Variants in ERCC6L2 observed in about 807,000 individuals in gnomAD.
ERCC6L2 encodes the protein ERCC excision repair 6 like 2.
Under a neutral mutation model 132.0 loss-of-function variants are expected in ERCC6L2, and 77 were observed. The ratio of observed to expected loss-of-function variants is 0.58; its 90% CI spans 0.49 to 0.71. The LOEUF is 0.71. Ranked by LOEUF, ERCC6L2 falls within the 30% of genes least tolerant of loss-of-function variation. The pLI is 0.00. For missense variants in ERCC6L2, 1,542 were observed against 1,837.6 expected, an observed-to-expected ratio of 0.84 and a Z score of 2.94; for synonymous variants, 583 against 632.4, an observed-to-expected ratio of 0.92 and a Z score of 1.17.
rs965900399 is a variant in ERCC6L2, at chr9:95,972,117, C to A, written c.2366C>A (p.Thr789Asn). 5 of 1,304,142 alleles carry A rather than the reference C, an allele frequency of 3.8e-6. No individual in the cohort carries two copies. In the African/African-American group the frequency reaches 7.6e-5, roughly 20 times the overall value. 80.8% of individuals were successfully genotyped at this position (1,304,142 alleles called of 1,614,324 possible). ...SKASSSPGQLTLLQCGFSKLL... is the reference protein window; with the variant it reads ...SKASSSPGQLNLLQCGFSKLL... ...GCTTCCAGCTCTCCAGGACAGCTTA[C>A]CTTACTCCAGTGTGGTTTCTCGAAA... The change falls in exon 16 of 19, where the codon ACC (threonine) becomes AAC (asparagine). Residue 789 changes from threonine (T) to asparagine (N), a missense_variant. This residue lies in a region of ERCC6L2 where 945 missense variants were observed against 1,105.2 expected (regional missense o/e 0.86). Coordinates refer to ENST00000653738, the MANE Select transcript of ERCC6L2 (RefSeq NM_020207.7).
In ERCC6L2 at chr9:95,924,892, A is replaced by G. The variant is rs547821196; in HGVS notation, c.1533+1513A>G. Among the ~76,000 whole-genome samples, 11 of 152,286 alleles carry G rather than the reference A, an allele frequency of 7.2e-5. No individual in the cohort carries two copies. The South Asian group carries it at 1.9e-3, about 26-fold the overall frequency. On this transcript the variant is annotated intron_variant, in intron 9 of 18. Transcript: ENST00000653738. ...CTTGGTTTGTGAGAGAGCACCAGCCAAACAGATGGATAGTAATAAGCTAGG... is the reference window on the plus strand; with the variant it reads ...CTTGGTTTGTGAGAGAGCACCAGCCGAACAGATGGATAGTAATAAGCTAGG...
At chr9:95,893,115 C>G (rs1015894357) in intron 2 of ERCC6L2, among the ~76,000 whole-genome samples, 3 of 152,114 alleles carry the variant, frequency 2.0e-5, no homozygotes, top group African/African-American at 7.2e-5. Flanking sequence ...CAACTTCTTG[C>G]AATGTACCTA....
chr9:95,981,705 T>C (rs1439922638), intron 17 of ERCC6L2, among the ~76,000 whole-genome samples: 1 of 152,186 alleles, frequency 6.6e-6, no homozygotes, highest in African/African-American at 2.4e-5. Context: ...TTAGAGTTCA[T>C]CTGTTCTTTT....
Position 95,972,166 on chromosome 9 carries a change from A to G in ERCC6L2, c.2415A>G (p.Ala805=). 1 of 1,304,262 alleles carries G rather than the reference A, an allele frequency of 7.7e-7. No homozygotes were observed. Among genetic ancestry groups the G allele is most frequent in the Non-Finnish European group, 1.0e-6 (1 of 988,950 alleles). The allele number at this position is 1,304,262 out of a possible 1,614,324, so 80.8% of individuals were successfully genotyped here. A position where few individuals can be genotyped will look rare whatever the true frequency, so the allele number is the denominator to read the frequency against. The part of the protein sequence containing the change: ...FSKLLETKCK[A]VEDSDGNTAS... ...AATTGCTTGAAACAAAATGTAAAGC[A>G]GTTGAGGATAGTGATGGAAATACTG... Residue 805 remains alanine, a synonymous_variant, in exon 16 of 19, where the codon GCA becomes GCG. Transcript: ENST00000653738.
At chr9:96,005,915 T>C (rs1013374973) in intron 18 of ERCC6L2, among the ~76,000 whole-genome samples, 54 of 152,188 alleles carry the variant, frequency 3.5e-4, no homozygotes, top group African/African-American at 1.3e-3. Flanking sequence ...TTCAATTTGG[T>C]GATGGACTGG....
In ERCC6L2 at chr9:95,972,174, A is replaced by G. The variant is rs1404346324; in HGVS notation, c.2423A>G (p.Asp808Gly). 7.7e-7 allele frequency: 1 copy of G among 1,304,166 alleles called. No individual in the cohort carries two copies. Among genetic ancestry groups the G allele is most frequent in the Non-Finnish European group, 1.0e-6 (1 of 988,952 alleles). 80.8% of individuals were successfully genotyped at this position (1,304,166 alleles called of 1,614,324 possible). Reference protein sequence around the residue: ...LLETKCKAVEDSDGNTASDDE... With the variant: ...LLETKCKAVEGSDGNTASDDE... ...GAAACAAAATGTAAAGCAGTTGAGG[A>G]TAGTGATGGAAATACTGCCTCTGAT... The change falls in exon 16 of 19, where the codon GAT (aspartate) becomes GGT (glycine). Residue 808 changes from aspartate (D) to glycine (G), a missense_variant. By Grantham distance (94) the Asp-to-Gly change is moderately conservative. This residue lies in a region of ERCC6L2 where 945 missense variants were observed against 1,105.2 expected (regional missense o/e 0.86). Coordinates refer to ENST00000653738, the MANE Select transcript of ERCC6L2 (RefSeq NM_020207.7).
At chr9:95,899,374 C>T (rs1465641669) in intron 3 of ERCC6L2, among the ~76,000 whole-genome samples, 1 of 151,908 alleles carries the variant, frequency 6.6e-6, no homozygotes, top group Non-Finnish European at 1.5e-5. Flanking sequence ...TCACTTGAGC[C>T]TGGGGAGGTT....
Position 95,926,528 on chromosome 9 carries a change from A to T in ERCC6L2, c.1534-1551A>T, listed in dbSNP as rs995453166. 3.2e-4 allele frequency among the ~76,000 whole-genome samples: 49 copies of T among 152,316 alleles called. 1 individual carries two copies. The South Asian group carries it at 6.2e-3, about 19-fold the overall frequency. ...TTGCTGAGTGAAGGAAACCAGTCTG[A>T]AAAGGCTACATACTGTATAATTCCA... is the stretch of plus-strand genomic sequence containing the variant. On this transcript the variant is annotated intron_variant, in intron 9 of 18. Coordinates refer to ENST00000653738, the MANE Select transcript of ERCC6L2 (RefSeq NM_020207.7).
chr9:95,962,819 T>C (rs1289487562), intron 13 of ERCC6L2, among the ~76,000 whole-genome samples: 2 of 152,158 alleles, frequency 1.3e-5, no homozygotes, highest in Admixed American at 6.6e-5. Context: ...TTAGACCTAA[T>C]GGTGTTTTCA....
chr9:95,941,622 T>G (rs954741026), intron 12 of ERCC6L2, 73 bp downstream of exon 12: 1 of 1,102,778 alleles, frequency 9.1e-7, no homozygotes, highest in African/African-American at 1.6e-5. Flanking sequence ...CTTTTAAGGT[T>G]GCTTATACTA....
rs114682462 is a variant in ERCC6L2, at chr9:95,917,351, G to A, written c.1158+917G>A. ...TTGTGTTTCTTCTAGCTTGGGCAAT[G>A]GAATAAAGGTTCTGTAGATTACTAT... On this transcript the variant is annotated intron_variant, in intron 6 of 18. Coordinates refer to ENST00000653738, the MANE Select transcript of ERCC6L2 (RefSeq NM_020207.7). Among the ~76,000 whole-genome samples, 129 of 152,214 alleles carry A rather than the reference G, an allele frequency of 8.5e-4. 1 individual carries two copies. Among genetic ancestry groups the A allele is most frequent in the African/African-American group, 2.8e-3 (118 of 41,542 alleles).
chr9:95,987,089 A>G (rs992206950), intron 17 of ERCC6L2, among the ~76,000 whole-genome samples: 14 of 152,112 alleles, frequency 9.2e-5, no homozygotes, highest in African/African-American at 3.4e-4. Flanking sequence ...TGATTCAATT[A>G]TCTCCCATCG....
At chr9:95,995,957 A>G (rs1419143098) in intron 17 of ERCC6L2, among the ~76,000 whole-genome samples, 1 of 152,212 alleles carries the variant, frequency 6.6e-6, no homozygotes, top group East Asian at 1.9e-4. Context: ...TAATCCTACA[A>G]TGGCCTTTAA....
intron 6 of ERCC6L2, among the ~76,000 whole-genome samples, chr9:95,920,613 T>G (rs1213671761): frequency 6.6e-6 from 1 of 152,180 alleles, no homozygotes; most frequent in Non-Finnish European, 1.5e-5. Context: ...ATCATTTGTT[T>G]GTTCATATTA....
In ERCC6L2 at chr9:95,973,002, C is replaced by A. The variant is rs1246802034; in HGVS notation, c.3251C>A (p.Thr1084Asn). ...KLPSHNKKNS[T>N]FIPRKPMKCS... ...CCTAGCCATAATAAGAAAAATAGCA[C>A]TTTTATTCCAAGAAAACCAATGAAA... Residue 1084 changes from threonine (T) to asparagine (N), a missense_variant, in exon 16 of 19, where the codon ACT (threonine) becomes AAT (asparagine). Physicochemically the swap from Thr to Asn is moderately conservative, Grantham distance 65. Transcript: ENST00000653738. 1 of 1,358,234 alleles carries A rather than the reference C, an allele frequency of 7.4e-7. No individual in the cohort carries two copies. Among genetic ancestry groups the A allele is most frequent in the East Asian group, 4.6e-5 (1 of 21,726 alleles). 84.1% of individuals were successfully genotyped at this position (1,358,234 alleles called of 1,614,324 possible).
intron 19 of ERCC6L2, among the ~76,000 whole-genome samples, chr9:96,028,388 G>A (rs1231798907): frequency 6.6e-6 from 1 of 152,148 alleles, no homozygotes; most frequent in Non-Finnish European, 1.5e-5. Flanking sequence ...GCCCTCTCCT[G>A]TGAAAGGTCC....
intron 6 of ERCC6L2, 27 bp downstream of exon 6, chr9:95,916,461 T>G (rs1190089426): frequency 1.4e-6 from 2 of 1,441,896 alleles, no homozygotes; most frequent in Non-Finnish European, 1.8e-6. Flanking sequence ...TATATATTAT[T>G]AATTTGTGGT....
At chr9:96,006,683 G>A (rs1005786676) in intron 18 of ERCC6L2, among the ~76,000 whole-genome samples, 2 of 152,176 alleles carry the variant, frequency 1.3e-5, no homozygotes, top group African/African-American at 4.8e-5. Flanking sequence ...GGAAGCAGTG[G>A]AGGGCAGTAC....
intron 17 of ERCC6L2, among the ~76,000 whole-genome samples, chr9:95,990,902 G>A (rs1833274736): frequency 6.6e-6 from 1 of 152,226 alleles, no homozygotes; most frequent in South Asian, 2.1e-4. Flanking sequence ...GATGCATGTG[G>A]AAGACTTTAT....
Sources: allele counts gnomAD v4.1 joint callset (sites outside exome capture counted in the v4.1 genomes callset), GRCh38; gene constraint gnomAD v4.1.1; regional missense constraint gnomAD v4.1.1; transcripts MANE v1.5; gene names NCBI Gene and HGNC (gene_info 2026-07-23, HGNC 2026-07-21).